MACROD2: variants seen among roughly 807,000 people sequenced by gnomAD.
MACROD2 encodes mono-ADP ribosylhydrolase 2, also known as ADP-ribose glycohydrolase MACROD2.
In MACROD2, 36 loss-of-function variants were observed where a neutral mutation model predicts 70.4. The ratio of observed to expected loss-of-function variants is 0.51; its 90% CI spans 0.39 to 0.68. MACROD2 has a LOEUF of 0.68. MACROD2 is among the 30% of genes least tolerant of loss of function. The pLI is 0.00. For synonymous variants in MACROD2, 172 were observed against 178.8 expected, an observed-to-expected ratio of 0.96 and a Z score of 0.30; for missense variants, 496 against 538.4, an observed-to-expected ratio of 0.92 and a Z score of 0.78.
intron 3 of MACROD2, among the ~76,000 whole-genome samples, chr20:14,282,358 G>A (rs1460350762): frequency 6.6e-6 from 1 of 152,168 alleles, no homozygotes; most frequent in African/African-American, 2.4e-5. Context: ...TCAAAGGTTA[G>A]ACTGGGCTAG....
chr20:15,891,005 A>G (rs750798990), intron 10 of MACROD2, among the ~76,000 whole-genome samples: 3 of 152,250 alleles, frequency 2.0e-5, no homozygotes, highest in Non-Finnish European at 2.9e-5. Flanking sequence ...CATGGAATTT[A>G]TGTTCTTGGG....
chr20:15,429,154 CG>C (rs1335274482), intron 6 of MACROD2, among the ~76,000 whole-genome samples: 3 of 152,080 alleles, frequency 2.0e-5, no homozygotes, highest in African/African-American at 7.2e-5. Flanking sequence ...GATTTTCATA[CG>C]GAGAGTAACG....
At chr20:14,728,882 G>A (rs1335357135) in intron 5 of MACROD2, among the ~76,000 whole-genome samples, 2 of 152,084 alleles carry the variant, frequency 1.3e-5, no homozygotes, top group Non-Finnish European at 2.9e-5. Flanking sequence ...CTCTACTATT[G>A]TGTTTGCATC....
chr20:15,237,374 G>T (rs915181048), intron 6 of MACROD2, among the ~76,000 whole-genome samples: 1 of 152,180 alleles, frequency 6.6e-6, no homozygotes, highest in African/African-American at 2.4e-5. Flanking sequence ...GTGATTCTAC[G>T]TAGTGAAGCA....
intron 3 of MACROD2, among the ~76,000 whole-genome samples, chr20:14,162,384 A>G (rs576320492): frequency 6.6e-6 from 1 of 152,220 alleles, no homozygotes; most frequent in African/African-American, 2.4e-5. Flanking sequence ...TGTTAGGTCC[A>G]TGTGGTCTAA....
intron 5 of MACROD2, chr20:14,757,815 C>T: frequency 6.5e-7 from 1 of 1,530,308 alleles, no homozygotes; most frequent in Non-Finnish European, 9.0e-7. Flanking sequence ...CTTCATCTGC[C>T]CCCGGAGATT....
chr20:15,895,221 A>G (rs1226882189), intron 10 of MACROD2, among the ~76,000 whole-genome samples: 1 of 152,196 alleles, frequency 6.6e-6, no homozygotes, highest in Non-Finnish European at 1.5e-5. Context: ...TTTGTTTAGG[A>G]ACATCATTCC....
chr20:15,003,548 T>C (rs892369689), intron 5 of MACROD2, among the ~76,000 whole-genome samples: 1 of 152,230 alleles, frequency 6.6e-6, no homozygotes, highest in Admixed American at 6.5e-5. Context: ...TGTCTTTGCA[T>C]AAATTATATC....
chr20:15,403,647 T>C (rs1268952283), intron 6 of MACROD2, among the ~76,000 whole-genome samples: 2 of 152,116 alleles, frequency 1.3e-5, no homozygotes, highest in African/African-American at 2.4e-5. Context: ...GGCCATGCGG[T>C]CTAAGTGGAA....
rs185248605 is a variant in MACROD2 at position 14,564,812 on chromosome 20, C to G, written c.301+71304C>G. 2.0e-5 allele frequency among the ~76,000 whole-genome samples: 3 copies of G among 151,996 alleles called. No individual in the cohort carries two copies. In the East Asian group the frequency reaches 5.8e-4, roughly 30 times the overall value. On this transcript the variant is annotated intron_variant, in intron 4 of 17. Transcript: ENST00000684519. ...AAGAACTAAAAATAGAACTATCATA[C>G]TATCCATGTATCCTACTTCTGGGTA...
intron 15 of MACROD2, among the ~76,000 whole-genome samples, chr20:16,004,644 C>T (rs1272824473): frequency 6.6e-6 from 1 of 152,268 alleles, no homozygotes; most frequent in Non-Finnish European, 1.5e-5. Context: ...CGGCTGTTTG[C>T]TCCGGCTCTG....
rs1254410663 is a variant in MACROD2, at chr20:15,006,139, A to ATGTG, written c.419-223800_419-223799insGTGT. Among the ~76,000 whole-genome samples the ATGTG allele has an allele frequency of 3.8e-3, 359 of 95,080 alleles. 1 individual carries two copies. Among genetic ancestry groups the ATGTG allele is most frequent in the African/African-American group, 4.2e-3 (105 of 25,154 alleles). 62.4% of individuals were successfully genotyped at this position (95,080 alleles called of 152,430 possible). A position where few individuals can be genotyped will look rare whatever the true frequency, so the allele number is the denominator to read the frequency against. On this transcript the variant is annotated intron_variant, in intron 5 of 17. Transcript: ENST00000684519. ...CACAAAGAATGCATTTTATATATAT[A>ATGTG]TATGTGTGTGTGTGTGTGTGTGTGT... is the stretch of plus-strand genomic sequence containing the variant.
chr20:14,056,840 T>A lies in MACROD2; in HGVS notation c.164-28781T>A, dbSNP rs540231410. On this transcript the variant is annotated intron_variant, in intron 2 of 17. Coordinates refer to ENST00000684519, the MANE Select transcript of MACROD2 (RefSeq NM_001351661.2). ...ATTTATTCAGATCTCTTTTTTTTTT[T>A]ATGTGCTTCAGCTATCATGTATTTA... Among the ~76,000 whole-genome samples the A allele has an allele frequency of 4.8e-4, 72 of 150,026 alleles. No homozygotes were observed. The South Asian group carries it at 7.4e-3, about 15-fold the overall frequency.
intron 4 of MACROD2, among the ~76,000 whole-genome samples, chr20:14,655,551 A>C (rs1225973113): frequency 6.6e-6 from 1 of 152,076 alleles, no homozygotes; most frequent in East Asian, 1.9e-4. Flanking sequence ...CTCTTTACAA[A>C]TTCCAGTAAC....
At chr20:15,711,470 C>T (rs1050480102) in intron 8 of MACROD2, among the ~76,000 whole-genome samples, 8 of 152,228 alleles carry the variant, frequency 5.3e-5, no homozygotes, top group Admixed American at 2.0e-4. Flanking sequence ...TAGCCATTCT[C>T]ATTTCTCCCT....
In MACROD2 at chr20:15,487,519, C is replaced by T. The variant is rs1029313209; in HGVS notation, c.572-12255C>T. ...TTAGTCCTTCAAATTCTTTTCATCT[C>T]TGTCTCAATCAGCAATAGTGTGGCT... On this transcript the variant is annotated intron_variant, in intron 7 of 17. Transcript: ENST00000684519. Among the ~76,000 whole-genome samples the T allele has an allele frequency of 2.6e-5, 4 of 152,174 alleles. No individual in the cohort carries two copies. In the East Asian group the frequency reaches 7.7e-4, roughly 29 times the overall value.
At chr20:14,228,178 G>C (rs148613836) in intron 3 of MACROD2, among the ~76,000 whole-genome samples, 1 of 147,850 alleles carries the variant, frequency 6.8e-6, no homozygotes, top group South Asian at 2.1e-4. Context: ...TATATAGAGA[G>C]AGAGAGAGAG....
intron 5 of MACROD2, among the ~76,000 whole-genome samples, chr20:15,221,790 ATAT>A (rs3070296): frequency 0.28 from 42,602 of 151,992 alleles, 6,097 homozygotes; most frequent in Admixed American, 0.31. Context: ...AGAATAAAAC[ATAT>A]TATCAGCACA....
At chr20:15,245,001 G>A (rs74413090) in intron 6 of MACROD2, among the ~76,000 whole-genome samples, 6,057 of 152,194 alleles carry the variant, frequency 0.04, 388 homozygotes, top group African/African-American at 0.14. Context: ...TATACCTGTG[G>A]CACTATCACC....
Sources: gnomAD v4.1 joint callset for allele counts (sites outside exome capture counted in the v4.1 genomes callset) on GRCh38, gnomAD v4.1.1 for gene constraint, MANE v1.5 for transcripts, NCBI Gene and HGNC (gene_info 2026-07-23, HGNC 2026-07-21) for gene names.